ABHD3: variants seen among roughly 807,000 people sequenced by gnomAD.
ABHD3 encodes the protein abhydrolase domain containing 3, phospholipase, also known as phospholipase ABHD3.
Under a neutral mutation model 48.8 loss-of-function variants are expected in ABHD3, and 46 were observed. The observed-to-expected ratio is 0.94, with a 90% confidence interval of 0.74 to 1.20. The LOEUF is 1.20. ABHD3 is among the 50% of genes most tolerant of loss of function. ABHD3 has a pLI of 0.00. For synonymous variants in ABHD3, 192 were observed against 183.7 expected (o/e 1.04, Z -0.36); for missense variants, 490 against 497.8 (o/e 0.98, Z 0.15).
chr18:21,693,006 T>C (rs1202352415), intron 3 of ABHD3, among the ~76,000 whole-genome samples: 1 of 152,230 alleles, frequency 6.6e-6, no homozygotes, highest in Non-Finnish European at 1.5e-5. Flanking sequence ...CCACTCTACC[T>C]TAGCAAGACA....
chr18:21,662,078 C>G (rs573877684), intron 5 of ABHD3: 1 of 152,564 alleles, frequency 6.6e-6, no homozygotes, highest in African/African-American at 2.4e-5. Flanking sequence ...AAGTGATTCT[C>G]CTGCCTCAGC....
At chr18:21,651,900 T>C in intron 8 of ABHD3, 137 bp from the exon 9 acceptor site, 1 of 735,746 alleles carries the variant, frequency 1.4e-6, no homozygotes, top group Admixed American at 3.4e-5. Flanking sequence ...TATAAATATA[T>C]GTAATGAGCA....
chr18:21,651,875 A>G (rs2039230853), intron 8 of ABHD3, 112 bp from the exon 9 acceptor site: 1 of 909,956 alleles, frequency 1.1e-6, no homozygotes, highest in African/African-American at 1.7e-5. Flanking sequence ...ATAAACAGAA[A>G]TCAAAACACC....
Position 21,659,105 on chromosome 18 carries a change from C to G in ABHD3, c.842+65G>C, listed in dbSNP as rs970755273. 4 of 1,498,550 alleles carry G rather than the reference C, an allele frequency of 2.7e-6. No individual in the cohort carries two copies. The South Asian group carries it at 5.0e-5, about 19-fold the overall frequency. The allele number at this position is 1,498,550 out of a possible 1,614,324, so 92.8% of individuals were successfully genotyped here. A position where few individuals can be genotyped will look rare whatever the true frequency, so the allele number is the denominator to read the frequency against. ...CCCCCCGCCTCAGCCTCCCAAAGTG[C>G]TGGGATTACAGGCGTGAGCCACCGG... On this transcript the variant is annotated intron_variant, in intron 6 of 8. Coordinates refer to ENST00000289119, the MANE Select transcript of ABHD3 (RefSeq NM_138340.5).
intron 4 of ABHD3, among the ~76,000 whole-genome samples, chr18:21,677,246 G>A (rs899700202): frequency 1.3e-5 from 2 of 151,812 alleles, no homozygotes; most frequent in Admixed American, 6.6e-5. Context: ...CCAGGCTGGC[G>A]TGCAGTGGCA....
intron 4 of ABHD3, among the ~76,000 whole-genome samples, chr18:21,680,060 C>T (rs2039972319): frequency 6.6e-6 from 1 of 152,110 alleles, no homozygotes; most frequent in Non-Finnish European, 1.5e-5. Context: ...GTCGTCCAGG[C>T]TGGAGTGCAG....
intron 4 of ABHD3, among the ~76,000 whole-genome samples, chr18:21,682,736 T>G (rs910987221): frequency 6.6e-6 from 1 of 152,174 alleles, no homozygotes; most frequent in Non-Finnish European, 1.5e-5. Context: ...AGACCATGTC[T>G]TCCCCCCCGG....
chr18:21,680,880 G>GTGTGTGTA (rs1555681025), intron 4 of ABHD3, among the ~76,000 whole-genome samples: 2 of 147,176 alleles, frequency 1.4e-5, no homozygotes, highest in African/African-American at 4.9e-5. Flanking sequence ...GTGTGTGTGT[G>GTGTGTGTA]TATATATATA....
chr18:21,667,483 C>T (rs74581536), intron 4 of ABHD3, among the ~76,000 whole-genome samples: 97 of 151,916 alleles, frequency 6.4e-4, no homozygotes, highest in Non-Finnish European at 1.1e-3. Context: ...TCAAGTGATC[C>T]GCCCGCCTCA....
In ABHD3 at chr18:21,697,381, C is replaced by CT. The variant is rs1431872276; in HGVS notation, c.509+4934dup. ...AGCTACCGTGCCCAGCCTATTTATC[C>CT]TTTTTTTAAAAAAACTGAGACAGAG... On this transcript the variant is annotated intron_variant, in intron 3 of 8. Coordinates refer to ENST00000289119, the MANE Select transcript of ABHD3 (RefSeq NM_138340.5). 5.4e-5 allele frequency among the ~76,000 whole-genome samples: 8 copies of CT among 149,308 alleles called. No homozygotes were observed. The East Asian group carries it at 6.1e-4, about 11-fold the overall frequency.
At chr18:21,673,558 T>C (rs562150992) in intron 4 of ABHD3, 1 of 152,358 alleles carries the variant, frequency 6.6e-6, no homozygotes, top group East Asian at 1.9e-4. Flanking sequence ...CCTCCTAAAG[T>C]GCTGGGATTG....
intron 4 of ABHD3, among the ~76,000 whole-genome samples, chr18:21,666,689 G>A (rs994527333): frequency 6.6e-6 from 1 of 152,158 alleles, no homozygotes; most frequent in East Asian, 1.9e-4. Flanking sequence ...CTACACTGCA[G>A]TAGACACTTA....
chr18:21,697,531 C>T (rs1398745263), intron 3 of ABHD3, among the ~76,000 whole-genome samples: 3 of 152,156 alleles, frequency 2.0e-5, no homozygotes, highest in Non-Finnish European at 4.4e-5. Flanking sequence ...AGGTGCATGC[C>T]ATGATGCCCG....
chr18:21,692,232 G>T (rs771646681), intron 3 of ABHD3, among the ~76,000 whole-genome samples: 1 of 152,166 alleles, frequency 6.6e-6, no homozygotes, highest in Non-Finnish European at 1.5e-5. Context: ...TTATAGGCGT[G>T]AGCCACCGCA....
At chr18:21,656,261 A>G (rs2039347131) in intron 8 of ABHD3, among the ~76,000 whole-genome samples, 1 of 152,064 alleles carries the variant, frequency 6.6e-6, no homozygotes, top group African/African-American at 2.4e-5. Context: ...TGCAGCCTCA[A>G]ACTTCTGGGC....
rs564164298 is a variant in ABHD3 at position 21,653,214 on chromosome 18, T to C, written c.1058-1451A>G. Reference sequence around the variant, plus strand: ...CCATCTCTACTAAAAATACAAAAAATAGCCAGGCATGGTGGTGCACGCCTG... The same window carrying C: ...CCATCTCTACTAAAAATACAAAAAACAGCCAGGCATGGTGGTGCACGCCTG... On this transcript the variant is annotated intron_variant, in intron 8 of 8. Transcript: ENST00000289119. Among the ~76,000 whole-genome samples the C allele has an allele frequency of 4.2e-5, 6 of 141,848 alleles. No individual in the cohort carries two copies. In the East Asian group the frequency reaches 1.4e-3, roughly 32 times the overall value. The allele number at this position is 141,848 out of a possible 152,430, so 93.1% of individuals were successfully genotyped here. A position where few individuals can be genotyped will look rare whatever the true frequency, so the allele number is the denominator to read the frequency against.
intron 3 of ABHD3, among the ~76,000 whole-genome samples, chr18:21,694,215 C>T (rs1246043166): frequency 6.6e-6 from 1 of 152,086 alleles, no homozygotes; most frequent in African/African-American, 2.4e-5. Context: ...TTGCAGTGAG[C>T]CCCTCGAGTA....
intron 4 of ABHD3, among the ~76,000 whole-genome samples, chr18:21,667,416 G>A (rs1034064925): frequency 6.6e-6 from 1 of 151,478 alleles, no homozygotes; most frequent in African/African-American, 2.4e-5. Flanking sequence ...GGCTAATTTT[G>A]TATTTTTAGT....
intron 4 of ABHD3, among the ~76,000 whole-genome samples, chr18:21,675,474 A>G (rs374860584): frequency 1.4e-3 from 206 of 151,888 alleles, no homozygotes; most frequent in African/African-American, 4.8e-3. Context: ...TCACTGTGTT[A>G]GCCAGAATGG....
Sources: gnomAD v4.1 joint callset for allele counts (sites outside exome capture counted in the v4.1 genomes callset) on GRCh38, gnomAD v4.1.1 for gene constraint, MANE v1.5 for transcripts, NCBI Gene and HGNC (gene_info 2026-07-23, HGNC 2026-07-21) for gene names.